The following CDYL variants were observed in gnomAD, a reference collection of about 807,000 sequenced individuals.
CDYL encodes chromodomain Y like.
CDYL carries 8 observed loss-of-function variants against 47.3 expected under a neutral mutation model. The ratio of observed to expected loss-of-function variants is 0.17; its 90% confidence interval spans 0.10 to 0.31. The LOEUF is 0.31. Ranked by LOEUF, CDYL falls within the 10% of genes least tolerant of loss-of-function variation. The pLI is 1.00. For synonymous variants in CDYL, 266 were observed against 265.0 expected, an observed-to-expected ratio of 1.00 and a Z score of -0.04; for missense variants, 471 against 701.4, an observed-to-expected ratio of 0.67 and a Z score of 3.71.
At chr6:4,733,958 TCTC>T (rs1290096327) in intron 2 of CDYL, among the ~76,000 whole-genome samples, 7 of 151,734 alleles carry the variant, frequency 4.6e-5, no homozygotes, top group Non-Finnish European at 1.0e-4. Context: ...TTCAAGCTAT[TCTC>T]CTGCCTCAGC....
intron 3 of CDYL, among the ~76,000 whole-genome samples, chr6:4,759,401 C>A (rs1352073352): frequency 6.6e-6 from 1 of 152,124 alleles, no homozygotes; most frequent in Non-Finnish European, 1.5e-5. Context: ...CACTTTCCAT[C>A]TTATTTAAAA....
intron 2 of CDYL, chr6:4,716,020 G>A (rs982881921): frequency 3.7e-5 from 48 of 1,312,830 alleles, no homozygotes; most frequent in African/African-American, 3.4e-4. Context: ...AGGCCGAGGC[G>A]GGCGGATCAT....
chr6:4,779,474 G>T (rs1758553522), intron 1 of CDYL, among the ~76,000 whole-genome samples: 1 of 152,178 alleles, frequency 6.6e-6, no homozygotes, highest in African/African-American at 2.4e-5. Flanking sequence ...CCAATACTTA[G>T]CATGGAACCT....
intron 1 of CDYL, among the ~76,000 whole-genome samples, chr6:4,710,517 C>A (rs1465223832): frequency 6.7e-6 from 1 of 148,540 alleles, no homozygotes; most frequent in Non-Finnish European, 1.5e-5. Flanking sequence ...CTTTTTTGGT[C>A]CCTTTTAATT....
At chr6:4,902,424 CAGT>C (rs1196574782) in intron 2 of CDYL, among the ~76,000 whole-genome samples, 3 of 147,634 alleles carry the variant, frequency 2.0e-5, no homozygotes, top group African/African-American at 7.4e-5. Context: ...AAAAAAAAGA[CAGT>C]AGGTACTGAG....
chr6:4,808,972 G>A (rs141189550), intron 1 of CDYL, among the ~76,000 whole-genome samples: 1 of 152,264 alleles, frequency 6.6e-6, no homozygotes, highest in Non-Finnish European at 1.5e-5. Context: ...TGGCTTCCAA[G>A]CGTGAGAGCT....
chr6:4,821,613 A>G (rs201702284), intron 1 of CDYL, among the ~76,000 whole-genome samples: 1 of 151,812 alleles, frequency 6.6e-6, no homozygotes, highest in African/African-American at 2.4e-5. Flanking sequence ...TGCACCTGTA[A>G]TCCCAGCTAT....
At chr6:4,715,091 C>T (rs6928621) in intron 1 of CDYL, among the ~76,000 whole-genome samples, 9,205 of 152,276 alleles carry the variant, frequency 0.06, 313 homozygotes, top group African/African-American at 0.083. Context: ...TAGGCACGCC[C>T]AACCACTCGC....
chr6:4,954,626 C>T lies in CDYL; in HGVS notation c.*570C>T, dbSNP rs1390545433. 1.3e-5 allele frequency: 2 copies of T among 152,556 alleles called. No individual in the cohort carries two copies. The highest frequency in any genetic ancestry group is 2.4e-5 in the African/African-American group (1 of 41,428). 9.5% of individuals were successfully genotyped at this position (152,556 alleles called of 1,614,324 possible). On this transcript the variant is annotated 3_prime_UTR_variant, in exon 7 of 7. Transcript: ENST00000397588. Reference sequence around the variant, plus strand: ...GGATAAATACTTCTGATGAAAAATCCGCTGAGGAGCATACCCCAAACCAGA... The same window carrying T: ...GGATAAATACTTCTGATGAAAAATCTGCTGAGGAGCATACCCCAAACCAGA...
At chr6:4,889,779 T>A (rs1761991117) in intron 1 of CDYL, among the ~76,000 whole-genome samples, 1 of 152,240 alleles carries the variant, frequency 6.6e-6, no homozygotes, top group Admixed American at 6.5e-5. Context: ...TGCCAACTCC[T>A]GGTCTAATGT....
At chr6:4,713,695 C>A (rs1757199962) in intron 1 of CDYL, among the ~76,000 whole-genome samples, 1 of 151,216 alleles carries the variant, frequency 6.6e-6, no homozygotes, top group African/African-American at 2.4e-5. Flanking sequence ...TCAAGAAGTT[C>A]TCCTGTCTCA....
chr6:4,782,055 T>C (rs1581163269), intron 1 of CDYL, among the ~76,000 whole-genome samples: 2 of 74,262 alleles, frequency 2.7e-5, no homozygotes, highest in South Asian at 9.8e-4. Flanking sequence ...AGGCTCTGCG[T>C]GGAGGTGGGT....
At chr6:4,929,525 C>CACACACAT (rs1017452970) in intron 2 of CDYL, among the ~76,000 whole-genome samples, 2 of 147,774 alleles carry the variant, frequency 1.4e-5, no homozygotes, top group Admixed American at 6.7e-5. Flanking sequence ...CACACACACA[C>CACACACAT]ATACATACAC....
intron 1 of CDYL, among the ~76,000 whole-genome samples, chr6:4,890,643 A>G (rs1762016367): frequency 6.6e-6 from 1 of 152,214 alleles, no homozygotes; most frequent in African/African-American, 2.4e-5. Context: ...ACTTCTACTC[A>G]TTAGGCTCGA....
chr6:4,731,535 G>A (rs1757604641), intron 2 of CDYL, among the ~76,000 whole-genome samples: 1 of 152,102 alleles, frequency 6.6e-6, no homozygotes, highest in African/African-American at 2.4e-5. Flanking sequence ...GGTGGCTCAT[G>A]CCTGTAATCC....
intron 2 of CDYL, among the ~76,000 whole-genome samples, chr6:4,914,796 A>G (rs957295395): frequency 2.6e-5 from 4 of 152,180 alleles, no homozygotes; most frequent in Admixed American, 6.5e-5. Flanking sequence ...TGGCCCACGC[A>G]TAGAGGTGTT....
At chr6:4,812,034 A>T (rs1489935266) in intron 1 of CDYL, among the ~76,000 whole-genome samples, 7 of 151,916 alleles carry the variant, frequency 4.6e-5, no homozygotes, top group Non-Finnish European at 7.4e-5. Context: ...AGAAATGCAG[A>T]CTCTGAGGCA....
chr6:4,910,423 C>T (rs375230479), intron 2 of CDYL, among the ~76,000 whole-genome samples: 123 of 152,328 alleles, frequency 8.1e-4, no homozygotes, highest in African/African-American at 2.9e-3. Context: ...ATACTTTCTG[C>T]TCTTTTCCTT....
At chr6:4,920,693 A>G (rs1757686537) in intron 2 of CDYL, among the ~76,000 whole-genome samples, 2 of 152,236 alleles carry the variant, frequency 1.3e-5, no homozygotes, top group African/African-American at 2.4e-5. Context: ...ATCTCGGCTC[A>G]CTGCAACCTC....
Sources: gnomAD v4.1 joint callset for allele counts (sites outside exome capture counted in the v4.1 genomes callset) on GRCh38, gnomAD v4.1.1 for gene constraint, MANE v1.5 for transcripts, NCBI Gene and HGNC (gene_info 2026-07-23, HGNC 2026-07-21) for gene names.